The following OPCML variants were observed in gnomAD, a reference collection of about 807,000 sequenced individuals.
OPCML encodes opioid-binding protein/cell adhesion molecule.
In OPCML, 13 loss-of-function variants were observed where a neutral mutation model predicts 37.8. That is an observed-to-expected ratio of 0.34 (90% CI 0.22 to 0.55). OPCML has a LOEUF of 0.55. Among genes scored for constraint, OPCML ranks in the 20% least tolerant of loss-of-function variants. OPCML has a pLI of 0.91. For synonymous variants in OPCML, 176 were observed against 168.8 expected (o/e 1.04, Z -0.33); for missense variants, 341 against 435.6 (o/e 0.78, Z 1.93).
intron 4 of OPCML, among the ~76,000 whole-genome samples, chr11:132,483,689 A>C (rs1359043789): frequency 1.3e-5 from 2 of 152,158 alleles, no homozygotes; most frequent in African/African-American, 2.4e-5. Context: ...ACAGTAACCA[A>C]AACAGCATGG....
intron 1 of OPCML, among the ~76,000 whole-genome samples, chr11:133,379,064 C>A (rs894299259): frequency 7.2e-5 from 11 of 152,120 alleles, no homozygotes; most frequent in Admixed American, 1.3e-4. Context: ...CCACTATATG[C>A]AAATTTGATA....
chr11:133,271,513 C>T (rs893286355), intron 1 of OPCML, among the ~76,000 whole-genome samples: 1 of 152,174 alleles, frequency 6.6e-6, no homozygotes, highest in Non-Finnish European at 1.5e-5. Flanking sequence ...AATAATGATA[C>T]TAATTAGCTT....
chr11:133,258,539 G>C (rs1941390044), intron 1 of OPCML, among the ~76,000 whole-genome samples: 1 of 152,168 alleles, frequency 6.6e-6, no homozygotes, highest in Non-Finnish European at 1.5e-5. Flanking sequence ...AGGTTATGAT[G>C]ATTGAGCTTC....
At chr11:133,342,792 A>T (rs1565582514) in intron 1 of OPCML, among the ~76,000 whole-genome samples, 1 of 152,072 alleles carries the variant, frequency 6.6e-6, no homozygotes, top group Non-Finnish European at 1.5e-5. Flanking sequence ...ACATAGAGGG[A>T]GCAAGAACCT....
intron 3 of OPCML, among the ~76,000 whole-genome samples, chr11:132,615,381 G>A (rs1199812942): frequency 1.3e-5 from 2 of 152,100 alleles, no homozygotes; most frequent in African/African-American, 4.8e-5. Context: ...TTTCATCCAC[G>A]GCATAGGATT....
At chr11:132,570,790 TA>T in intron 3 of OPCML, among the ~76,000 whole-genome samples, 1 of 109,024 alleles carries the variant, frequency 9.2e-6, no homozygotes, top group South Asian at 2.9e-4. Context: ...TATATATATA[TA>T]TATATATATA....
At chr11:133,111,349 C>T (rs1420911485) in intron 1 of OPCML, among the ~76,000 whole-genome samples, 1 of 152,116 alleles carries the variant, frequency 6.6e-6, no homozygotes, top group Non-Finnish European at 1.5e-5. Flanking sequence ...CACAAGTGTC[C>T]CTGGGCAAAT....
chr11:133,162,863 G>A (rs994123185), intron 1 of OPCML, among the ~76,000 whole-genome samples: 3 of 152,094 alleles, frequency 2.0e-5, no homozygotes, highest in Admixed American at 6.5e-5. Context: ...TCATAGTAGC[G>A]AAACGAGTGT....
intron 2 of OPCML, among the ~76,000 whole-genome samples, chr11:132,786,025 C>T (rs758728486): frequency 2.0e-5 from 3 of 152,128 alleles, no homozygotes; most frequent in Non-Finnish European, 4.4e-5. Context: ...AATATAAACA[C>T]AGGAAGCAAT....
chr11:133,512,194 T>C (rs1426623267), intron 1 of OPCML, among the ~76,000 whole-genome samples: 1 of 152,226 alleles, frequency 6.6e-6, no homozygotes, highest in Non-Finnish European at 1.5e-5. Context: ...CAGCAACAAA[T>C]CAGGATTTGT....
At chr11:133,452,638 C>T (rs914287897) in intron 1 of OPCML, among the ~76,000 whole-genome samples, 2 of 151,188 alleles carry the variant, frequency 1.3e-5, no homozygotes, top group African/African-American at 4.9e-5. Flanking sequence ...ATAGTGAGAC[C>T]CTTATCTCAT....
At chr11:132,909,907 C>A (rs1040279507) in intron 2 of OPCML, among the ~76,000 whole-genome samples, 4 of 152,052 alleles carry the variant, frequency 2.6e-5, no homozygotes, top group African/African-American at 9.7e-5. Flanking sequence ...TGTTAAATAA[C>A]CCTGGATTAT....
chr11:132,785,047 G>A (rs1408529875), intron 2 of OPCML, among the ~76,000 whole-genome samples: 2 of 152,094 alleles, frequency 1.3e-5, no homozygotes, highest in Non-Finnish European at 2.9e-5. Context: ...TACTCCCAGA[G>A]GTTACACACT....
intron 1 of OPCML, among the ~76,000 whole-genome samples, chr11:133,501,373 G>A (rs1947912665): frequency 6.6e-6 from 1 of 152,082 alleles, no homozygotes; most frequent in African/African-American, 2.4e-5. Context: ...TTATAGCCCT[G>A]GTTTATGCTT....
intron 1 of OPCML, among the ~76,000 whole-genome samples, chr11:133,366,349 C>T (rs1274576348): frequency 6.6e-6 from 1 of 152,132 alleles, no homozygotes; most frequent in East Asian, 1.9e-4. Flanking sequence ...CCTTCAGCTG[C>T]GAGTGTCAGC....
At chr11:132,811,268 T>C (rs1939324121) in intron 2 of OPCML, among the ~76,000 whole-genome samples, 1 of 152,208 alleles carries the variant, frequency 6.6e-6, no homozygotes. Flanking sequence ...TGCCCAGACA[T>C]AACGATTATT....
chr11:133,518,077 G>A (rs886966954), intron 1 of OPCML, among the ~76,000 whole-genome samples: 1 of 152,132 alleles, frequency 6.6e-6, no homozygotes, highest in Non-Finnish European at 1.5e-5. Context: ...AGCAAAAAAA[G>A]GTTCACGAGA....
At chr11:133,338,883 G>C (rs1220642007) in intron 1 of OPCML, among the ~76,000 whole-genome samples, 1 of 152,192 alleles carries the variant, frequency 6.6e-6, no homozygotes, top group Admixed American at 6.5e-5. Flanking sequence ...TGTTCAAAGA[G>C]CTGGCTTTTC....
In OPCML at chr11:132,719,135, C is replaced by G. The variant is rs552952749; in HGVS notation, c.147-61816G>C. Reference sequence around the variant, plus strand: ...AGGGTCCCTGACTGACAGGCACTGGCTCTCTGGCCCGGGCGCGCCGTCCAG... The same window carrying G: ...AGGGTCCCTGACTGACAGGCACTGGGTCTCTGGCCCGGGCGCGCCGTCCAG... On this transcript the variant is annotated intron_variant, in intron 2 of 7. Coordinates refer to ENST00000524381, the MANE Select transcript of OPCML (RefSeq NM_001012393.5). Among the ~76,000 whole-genome samples the G allele has an allele frequency of 2.0e-5, 3 of 152,336 alleles. No homozygotes were observed. In the South Asian group the frequency reaches 6.2e-4, roughly 32 times the overall value.
Sources: gnomAD v4.1 joint callset for allele counts (sites outside exome capture counted in the v4.1 genomes callset) on GRCh38, gnomAD v4.1.1 for gene constraint, MANE v1.5 for transcripts, NCBI Gene and HGNC (gene_info 2026-07-23, HGNC 2026-07-21) for gene names.